Variants in PPP3R1 observed in about 807,000 individuals in gnomAD.
The protein encoded by PPP3R1 is calcineurin subunit B type 1.
PPP3R1 carries 5 observed loss-of-function variants against 22.6 expected under a neutral mutation model. The ratio of observed to expected loss-of-function variants is 0.22; its 90% CI spans 0.12 to 0.46. The LOEUF (loss-of-function observed/expected upper bound fraction) is 0.46, where lower values mean the gene tolerates loss of function less well. Among genes scored for constraint, PPP3R1 ranks in the 20% least tolerant of loss-of-function variants. PPP3R1 has a pLI of 0.99. For synonymous variants in PPP3R1, 56 were observed against 65.2 expected, an observed-to-expected ratio of 0.86 and a Z score of 0.68; for missense variants, 61 against 203.2, an observed-to-expected ratio of 0.30 and a Z score of 4.25.
chr2:68,221,281 G>A (rs995588182), intron 1 of PPP3R1, among the ~76,000 whole-genome samples: 14 of 152,230 alleles, frequency 9.2e-5, no homozygotes, highest in African/African-American at 3.4e-4. Flanking sequence ...AGTGAGCAGA[G>A]ATTGCACCAC....
chr2:68,183,895 T>C (rs996664021), intron 5 of PPP3R1, among the ~76,000 whole-genome samples: 5 of 152,198 alleles, frequency 3.3e-5, no homozygotes, highest in Admixed American at 1.3e-4. Flanking sequence ...TTGAATGATC[T>C]GGTAGCACCA....
rs528504847 is a variant in PPP3R1, at chr2:68,232,731, C to G, written c.4-15600G>C. On this transcript the variant is annotated intron_variant, in intron 1 of 5. Coordinates refer to ENST00000234310, the MANE Select transcript of PPP3R1 (RefSeq NM_000945.4). The stretch of plus-strand genomic sequence containing the variant: ...AAGCAATTCTCCTGCCTCAGCCTCT[C>G]GAGTAGCTGGGATTACAGGCATGCA... Among the ~76,000 whole-genome samples, 7 of 152,032 alleles carry G rather than the reference C, an allele frequency of 4.6e-5. No individual in the cohort carries two copies. In the East Asian group the frequency reaches 5.9e-4, roughly 13 times the overall value.
chr2:68,203,289 T>C (rs1675025123), intron 2 of PPP3R1, among the ~76,000 whole-genome samples: 1 of 152,212 alleles, frequency 6.6e-6, no homozygotes, highest in Non-Finnish European at 1.5e-5. Context: ...ATTAACGGCA[T>C]ACAATGTTTT....
At chr2:68,205,681 C>T (rs1675104280) in intron 2 of PPP3R1, among the ~76,000 whole-genome samples, 1 of 152,056 alleles carries the variant, frequency 6.6e-6, no homozygotes, top group Non-Finnish European at 1.5e-5. Context: ...TAAATCAATC[C>T]AGATGTGGCA....
intron 1 of PPP3R1, among the ~76,000 whole-genome samples, chr2:68,226,012 GACT>G (rs1399261048): frequency 2.0e-5 from 3 of 152,100 alleles, no homozygotes; most frequent in Admixed American, 6.6e-5. Context: ...AATAGGAAAA[GACT>G]ACTAATACAC....
Position 68,230,102 on chromosome 2 carries a change from C to G in PPP3R1, c.4-12971G>C, listed in dbSNP as rs548806303. ...CCACCTCCCAGGCTTAAGCAATGCC[C>G]CCATCTCAGCCTCCTGAGTAGCTGG... On this transcript the variant is annotated intron_variant, in intron 1 of 5. Coordinates refer to ENST00000234310, the MANE Select transcript of PPP3R1 (RefSeq NM_000945.4). 3.3e-5 allele frequency among the ~76,000 whole-genome samples: 5 copies of G among 152,216 alleles called. No homozygotes were observed. In the East Asian group the frequency reaches 9.7e-4, roughly 29 times the overall value.
rs373416934 is a variant in PPP3R1 at position 68,216,132 on chromosome 2, C to T, written c.43+960G>A. Reference sequence around the variant, plus strand: ...TGCCCTTTATACAACGTCCCATTAACGGGTACCATCAAATTGGATATGGTA... The same window carrying T: ...TGCCCTTTATACAACGTCCCATTAATGGGTACCATCAAATTGGATATGGTA... On this transcript the variant is annotated intron_variant, in intron 2 of 5. Coordinates refer to ENST00000234310, the MANE Select transcript of PPP3R1 (RefSeq NM_000945.4). 2.6e-5 allele frequency among the ~76,000 whole-genome samples: 4 copies of T among 151,950 alleles called. 1 individual carries two copies. Among genetic ancestry groups the T allele is most frequent in the Non-Finnish European group, 4.4e-5 (3 of 67,974 alleles).
intron 2 of PPP3R1, among the ~76,000 whole-genome samples, chr2:68,212,626 G>T (rs545628379): frequency 6.6e-6 from 1 of 152,206 alleles, no homozygotes; most frequent in East Asian, 1.9e-4. Flanking sequence ...TATTTTGAAA[G>T]AAATCTTTTT....
At chr2:68,245,836 C>T (rs1240036947) in intron 1 of PPP3R1, among the ~76,000 whole-genome samples, 1 of 152,160 alleles carries the variant, frequency 6.6e-6, no homozygotes, top group Non-Finnish European at 1.5e-5. Flanking sequence ...CACATGACTT[C>T]CTTTCCAGCC....
chr2:68,248,158 C>T (rs1670272933), intron 1 of PPP3R1, among the ~76,000 whole-genome samples: 1 of 152,162 alleles, frequency 6.6e-6, no homozygotes, highest in Admixed American at 6.5e-5. Context: ...CTCATGCTTC[C>T]ATGACTTCGA....
intron 2 of PPP3R1, among the ~76,000 whole-genome samples, chr2:68,204,376 ATG>A (rs1491242255): frequency 6.6e-6 from 1 of 151,608 alleles, no homozygotes; most frequent in Non-Finnish European, 1.5e-5. Flanking sequence ...CAGAATACCT[ATG>A]TCTTAGACAA....
At chr2:68,229,365 G>C (rs953641680) in intron 1 of PPP3R1, among the ~76,000 whole-genome samples, 1 of 151,994 alleles carries the variant, frequency 6.6e-6, no homozygotes, top group African/African-American at 2.4e-5. Flanking sequence ...ATGTTCTCTG[G>C]TCACTTGAAA....
In PPP3R1 at chr2:68,222,418, G is replaced by C. The variant is rs572215217; in HGVS notation, c.4-5287C>G. On this transcript the variant is annotated intron_variant, in intron 1 of 5. Coordinates refer to ENST00000234310, the MANE Select transcript of PPP3R1 (RefSeq NM_000945.4). ...AAACATTATTTCTGAGTGAGAGTCA[G>C]CTAGGCTGTTTGTGGAAGAGATTAG... is the stretch of plus-strand genomic sequence containing the variant. Among the ~76,000 whole-genome samples the C allele has an allele frequency of 5.3e-5, 8 of 152,330 alleles. No individual in the cohort carries two copies. In the South Asian group the frequency reaches 1.4e-3, roughly 28 times the overall value.
At chr2:68,225,221 C>T (rs1391672472) in intron 1 of PPP3R1, among the ~76,000 whole-genome samples, 1 of 152,190 alleles carries the variant, frequency 6.6e-6, no homozygotes, top group Non-Finnish European at 1.5e-5. Context: ...CCCAAATCAA[C>T]CACCTCTGGA....
In PPP3R1 at chr2:68,245,182, G is replaced by A. The variant is rs368045730; in HGVS notation, c.3+6943C>T. On this transcript the variant is annotated intron_variant, in intron 1 of 5. Transcript: ENST00000234310. ...GCTCAGGAGTTTGAGACCAGCCTGC[G>A]CAACATGGCAAGACCCTGTCTCCAC... Among the ~76,000 whole-genome samples, 6 of 152,148 alleles carry A rather than the reference G, an allele frequency of 3.9e-5. No individual in the cohort carries two copies. The South Asian group carries it at 1.2e-3, about 32-fold the overall frequency.
chr2:68,203,615 T>C (rs747603959), intron 2 of PPP3R1, among the ~76,000 whole-genome samples: 5 of 139,796 alleles, frequency 3.6e-5, no homozygotes, highest in Non-Finnish European at 6.2e-5. Flanking sequence ...AAAAAAAAAA[T>C]GCTGAAATGA....
chr2:68,233,560 TAAGC>T (rs1244698567), intron 1 of PPP3R1, among the ~76,000 whole-genome samples: 1 of 152,188 alleles, frequency 6.6e-6, no homozygotes, highest in African/African-American at 2.4e-5. Flanking sequence ...TAGTACACTG[TAAGC>T]AATCAATTAA....
intron 1 of PPP3R1, among the ~76,000 whole-genome samples, chr2:68,227,199 A>G (rs924910710): frequency 6.6e-6 from 1 of 152,110 alleles, no homozygotes; most frequent in Non-Finnish European, 1.5e-5. Context: ...TTTCTTTGCC[A>G]GAAAATTTCT....
chr2:68,183,209 A>G (rs979468418), intron 5 of PPP3R1, among the ~76,000 whole-genome samples: 2 of 152,256 alleles, frequency 1.3e-5, no homozygotes, highest in Non-Finnish European at 2.9e-5. Flanking sequence ...AGAGAATTTT[A>G]AGTTGGAAAT....
Sources: gnomAD v4.1 joint callset for allele counts (sites outside exome capture counted in the v4.1 genomes callset) on GRCh38, gnomAD v4.1.1 for gene constraint, MANE v1.5 for transcripts, NCBI Gene and HGNC (gene_info 2026-07-23, HGNC 2026-07-21) for gene names.